The following HMCN1 variants were observed in gnomAD, a reference collection of about 807,000 sequenced individuals.
HMCN1 encodes the protein hemicentin 1, also known as hemicentin-1.
A neutral mutation model predicts 625.9 loss-of-function variants in HMCN1; 321 were observed. The ratio of observed to expected loss-of-function variants is 0.51; its 90% CI spans 0.47 to 0.56. The LOEUF (loss-of-function observed/expected upper bound fraction) is 0.56. Among genes scored for constraint, HMCN1 ranks in the 20% least tolerant of loss-of-function variants. The pLI is 0.00. For missense variants in HMCN1, 6,588 were observed against 6,887.3 expected (o/e 0.96, Z 1.54); for synonymous variants, 2,425 against 2,417.6 (o/e 1.00, Z -0.09).
In HMCN1 at chr1:185,923,626, A is replaced by C; in HGVS notation, c.1258A>C (p.Ser420Arg). Residue 420 changes from serine to arginine, a missense_variant, in exon 8 of 107, where the codon AGT (serine) becomes CGT (arginine). Physicochemically the swap from Ser to Arg is moderately radical, Grantham distance 110. Coordinates refer to ENST00000271588, the MANE Select transcript of HMCN1 (RefSeq NM_031935.3). ...KDDYLFQRVS[S>R]VSFSSIVPDA... ...TGATTACCTCTTCCAGAGAGTATCA[A>C]GTGTTTCCTTTTCTAGTATTGTCCC... 6.2e-7 allele frequency: 1 copy of C among 1,606,504 alleles called. No homozygotes were observed. Among genetic ancestry groups the C allele is most frequent in the Non-Finnish European group, 8.5e-7 (1 of 1,177,372 alleles).
At chr1:186,066,523 C>T (rs533754855) in intron 49 of HMCN1, among the ~76,000 whole-genome samples, 1 of 152,214 alleles carries the variant, frequency 6.6e-6, no homozygotes, top group Non-Finnish European at 1.5e-5. Flanking sequence ...CACCATCTGC[C>T]TTGCTTGCAG....
chr1:185,864,692 C>G (rs1228214347), intron 3 of HMCN1, 64 bp downstream of exon 3: 17 of 1,432,318 alleles, frequency 1.2e-5, no homozygotes, highest in Non-Finnish European at 1.5e-5. Flanking sequence ...TGCCTGTCCT[C>G]TTTGACTCTT....
intron 6 of HMCN1, among the ~76,000 whole-genome samples, chr1:185,914,577 T>C (rs1352954472): frequency 6.6e-6 from 1 of 152,046 alleles, no homozygotes; most frequent in African/African-American, 2.4e-5. Context: ...TTGTACTGTC[T>C]CTCTCCCCCC....
At chr1:185,845,244 G>T (rs1262885077) in intron 1 of HMCN1, among the ~76,000 whole-genome samples, 2 of 151,828 alleles carry the variant, frequency 1.3e-5, no homozygotes, top group East Asian at 3.9e-4. Flanking sequence ...TTTTGAGATG[G>T]AGTCTCGCTG....
At chr1:186,088,114 T>G (rs376069965) in intron 61 of HMCN1, 31 bp from the exon 62 acceptor site, 8 of 1,601,494 alleles carry the variant, frequency 5.0e-6, no homozygotes, top group East Asian at 2.3e-5. Flanking sequence ...TCTTCTGTTT[T>G]TTTGTTTGTT....
chr1:186,183,286 G>A (rs1433109173), intron 105 of HMCN1, among the ~76,000 whole-genome samples: 4 of 152,226 alleles, frequency 2.6e-5, no homozygotes, highest in Non-Finnish European at 4.4e-5. Flanking sequence ...ATGGAAAATG[G>A]GTCCCAGGAG....
chr1:185,958,553 G>A (rs1649783964), intron 11 of HMCN1, among the ~76,000 whole-genome samples: 1 of 152,156 alleles, frequency 6.6e-6, no homozygotes, highest in African/African-American at 2.4e-5. Context: ...GTCATGCTTT[G>A]TCACACGTTG....
chr1:186,084,736 G>A (rs1659372385), intron 57 of HMCN1, among the ~76,000 whole-genome samples: 1 of 151,816 alleles, frequency 6.6e-6, no homozygotes, highest in African/African-American at 2.4e-5. Context: ...TATGTTATAT[G>A]TCCTTGTTGC....
At chr1:185,803,204 G>GAAAAAAA (rs1557981375) in intron 1 of HMCN1, among the ~76,000 whole-genome samples, 1 of 23,712 alleles carries the variant, frequency 4.2e-5, no homozygotes, top group Non-Finnish European at 8.2e-5. Context: ...AAAAAAAAAA[G>GAAAAAAA]CAAAAAAAAA....
At chr1:186,023,335 G>C (rs1311043005) in intron 36 of HMCN1, among the ~76,000 whole-genome samples, 182 bp downstream of exon 36, 2 of 149,288 alleles carry the variant, frequency 1.3e-5, no homozygotes, top group Admixed American at 6.7e-5. Flanking sequence ...GCTCGTGTTA[G>C]GATCTTCTGT....
At chr1:185,766,199 G>A (rs1285661455) in intron 1 of HMCN1, among the ~76,000 whole-genome samples, 1 of 152,104 alleles carries the variant, frequency 6.6e-6, no homozygotes, top group African/African-American at 2.4e-5. Context: ...ACTGAAAACA[G>A]CAAAAATGTT....
intron 29 of HMCN1, among the ~76,000 whole-genome samples, chr1:186,006,505 G>A (rs1179477293): frequency 6.6e-6 from 1 of 152,026 alleles, no homozygotes; most frequent in East Asian, 1.9e-4. Flanking sequence ...AAATGACTCT[G>A]TATAGTAGAA....
At chr1:186,129,470 C>T (rs1367554530) in intron 83 of HMCN1, among the ~76,000 whole-genome samples, 1 of 149,736 alleles carries the variant, frequency 6.7e-6, no homozygotes, top group Non-Finnish European at 1.5e-5. Flanking sequence ...ACAAATTTGA[C>T]TATGTTGTTG....
intron 93 of HMCN1, among the ~76,000 whole-genome samples, chr1:186,147,121 T>C (rs965641179): frequency 6.6e-6 from 1 of 152,192 alleles, no homozygotes; most frequent in Non-Finnish European, 1.5e-5. Flanking sequence ...CATTACTCTC[T>C]ACGCTTTCTA....
At chr1:186,027,317 T>C (rs1441353837) in intron 36 of HMCN1, among the ~76,000 whole-genome samples, 2 of 152,180 alleles carry the variant, frequency 1.3e-5, no homozygotes, top group African/African-American at 2.4e-5. Flanking sequence ...GACCAAACTA[T>C]GAAATTACAT....
chr1:186,078,311 G>A (rs1658953404), intron 55 of HMCN1, 91 bp downstream of exon 55: 4 of 883,280 alleles, frequency 4.5e-6, no homozygotes, highest in Admixed American at 4.0e-5. Context: ...AAGCGCTTTT[G>A]AGACTATAAA....
intron 61 of HMCN1, 28 bp from the exon 62 acceptor site, chr1:186,088,117 T>C (rs767496259): frequency 6.3e-7 from 1 of 1,590,052 alleles, no homozygotes; most frequent in Non-Finnish European, 8.6e-7. Flanking sequence ...TCTGTTTTTT[T>C]GTTTGTTTGT....
intron 1 of HMCN1, among the ~76,000 whole-genome samples, chr1:185,796,219 C>T (rs532230829): frequency 1.4e-4 from 22 of 152,172 alleles, no homozygotes; most frequent in Admixed American, 1.0e-3. Context: ...ACCTAGGTCC[C>T]TTCCATGCAC....
intron 40 of HMCN1, among the ~76,000 whole-genome samples, chr1:186,045,474 TAAG>T (rs1217206731): frequency 1.3e-5 from 2 of 152,152 alleles, no homozygotes; most frequent in Admixed American, 1.3e-4. Context: ...GTTTTTTAAA[TAAG>T]AAGTTAGTGA....
Sources: allele counts gnomAD v4.1 joint callset (sites outside exome capture counted in the v4.1 genomes callset), GRCh38; gene constraint gnomAD v4.1.1; transcripts MANE v1.5; gene names NCBI Gene and HGNC (gene_info 2026-07-23, HGNC 2026-07-21).